Variants in XPNPEP1 observed in about 807,000 individuals in gnomAD.
XPNPEP1 encodes the protein xaa-Pro aminopeptidase 1.
A neutral mutation model predicts 92.4 loss-of-function variants in XPNPEP1; 39 were observed. The observed-to-expected ratio is 0.42, with a 90% CI of 0.33 to 0.55. The LOEUF is 0.55. Ranked by LOEUF, XPNPEP1 falls within the 20% of genes least tolerant of loss-of-function variation. The pLI, the probability that XPNPEP1 is intolerant of heterozygous loss-of-function variation, is 0.08. For synonymous variants in XPNPEP1, 307 were observed against 299.4 expected, an observed-to-expected ratio of 1.03 and a Z score of -0.26; for missense variants, 654 against 856.1, an observed-to-expected ratio of 0.76 and a Z score of 2.95.
At chr10:109,883,284 T>A (rs1283193986) in intron 9 of XPNPEP1, among the ~76,000 whole-genome samples, 1 of 151,934 alleles carries the variant, frequency 6.6e-6, no homozygotes, top group Non-Finnish European at 1.5e-5. Context: ...AAAATGCTGT[T>A]CCCTCTGCTT....
intron 9 of XPNPEP1, chr10:109,883,831 C>T (rs563843112): frequency 1.2e-5 from 5 of 431,880 alleles, no homozygotes; most frequent in Admixed American, 8.5e-5. Context: ...AAATGGGTGG[C>T]CCGAACTATA....
At chr10:109,901,250 G>C (rs1849272836) in intron 3 of XPNPEP1, among the ~76,000 whole-genome samples, 1 of 126,270 alleles carries the variant, frequency 7.9e-6, no homozygotes, top group South Asian at 2.9e-4. Context: ...TCACACACTG[G>C]GGCCTGTCAT....
intron 18 of XPNPEP1, among the ~76,000 whole-genome samples, chr10:109,870,406 A>G (rs989101116): frequency 1.3e-5 from 2 of 152,226 alleles, no homozygotes; most frequent in African/African-American, 2.4e-5. Flanking sequence ...AAAGCAGAAC[A>G]TAAGACAAGA....
At chr10:109,888,458 G>A (rs990780841) in intron 6 of XPNPEP1, 45 bp downstream of exon 6, 8 of 1,551,322 alleles carry the variant, frequency 5.2e-6, no homozygotes, top group Non-Finnish European at 6.1e-6. Context: ...GGGGAATCTA[G>A]AAGCCACTTC....
chr10:109,880,447 T>G (rs1848028230), intron 11 of XPNPEP1, among the ~76,000 whole-genome samples: 1 of 152,060 alleles, frequency 6.6e-6, no homozygotes, highest in Non-Finnish European at 1.5e-5. Flanking sequence ...ATTCAGTAGT[T>G]CAGGTACAAT....
chr10:109,913,304 C>A (rs1849981506), intron 2 of XPNPEP1, among the ~76,000 whole-genome samples: 1 of 152,202 alleles, frequency 6.6e-6, no homozygotes, highest in Non-Finnish European at 1.5e-5. Context: ...TGTGAAAGCA[C>A]CATGCACAGC....
At chr10:109,865,723 T>C (rs954302625) in intron 20 of XPNPEP1, among the ~76,000 whole-genome samples, 3 of 152,194 alleles carry the variant, frequency 2.0e-5, no homozygotes, top group Non-Finnish European at 4.4e-5. Context: ...ACATATCCTA[T>C]ATCCACTGAA....
chr10:109,877,887 A>T lies in XPNPEP1; in HGVS notation c.1242-20T>A. 1 of 1,614,266 alleles carries T rather than the reference A, an allele frequency of 6.2e-7. No individual in the cohort carries two copies. On this transcript the variant is annotated intron_variant, in intron 13 of 20. Coordinates refer to ENST00000502935, the MANE Select transcript of XPNPEP1 (RefSeq NM_020383.4). ...TGTTGCCTGTAACAGAAAGACAGAA[A>T]GCAGAGTGGCTTAAAGGTTTTTACT...
intron 3 of XPNPEP1, among the ~76,000 whole-genome samples, chr10:109,897,402 A>C (rs1448274257): frequency 6.6e-6 from 1 of 152,186 alleles, no homozygotes; most frequent in Non-Finnish European, 1.5e-5. Flanking sequence ...GTTGGCACTT[A>C]TCCATACCCT....
intron 6 of XPNPEP1, 59 bp from the exon 7 acceptor site, chr10:109,888,251 A>G (rs1589582302): frequency 6.3e-7 from 1 of 1,576,286 alleles, no homozygotes; most frequent in Non-Finnish European, 8.6e-7. Flanking sequence ...CAGGGCAGGG[A>G]GCAGGGCCTT....
At chr10:109,892,007 G>A (rs1848730571) in intron 4 of XPNPEP1, among the ~76,000 whole-genome samples, 181 bp from the exon 5 acceptor site, 1 of 152,162 alleles carries the variant, frequency 6.6e-6, no homozygotes, top group Admixed American at 6.6e-5. Flanking sequence ...AAAACAAGCT[G>A]TGTGTCAAGC....
intron 8 of XPNPEP1, 63 bp downstream of exon 8, chr10:109,886,183 A>AT: frequency 6.5e-7 from 1 of 1,538,106 alleles, no homozygotes; most frequent in Non-Finnish European, 8.9e-7. Flanking sequence ...GAACACACAG[A>AT]TACCCAGAGA....
intron 1 of XPNPEP1, among the ~76,000 whole-genome samples, chr10:109,919,533 A>C (rs1850411380): frequency 6.6e-6 from 1 of 152,232 alleles, no homozygotes; most frequent in Non-Finnish European, 1.5e-5. Flanking sequence ...TCCTGATGAG[A>C]ATGTAAAATG....
chr10:109,902,679 G>T (rs1420918148), intron 3 of XPNPEP1, among the ~76,000 whole-genome samples: 1 of 152,224 alleles, frequency 6.6e-6, no homozygotes, highest in African/African-American at 2.4e-5. Flanking sequence ...AGGACAGCAA[G>T]AGTGCAAAAA....
In XPNPEP1 at chr10:109,882,690, T is replaced by G. The variant is rs747988483; in HGVS notation, c.831-48A>C. 3.8e-6 allele frequency: 6 copies of G among 1,595,642 alleles called. No individual in the cohort carries two copies. In the Admixed American group the frequency reaches 1.0e-4, roughly 27 times the overall value. ...TGGCAGAAAAAGGAGGGAACATGAGTGAGAGGTGGCAACACAGACACACAT... is the reference window on the plus strand; with the variant it reads ...TGGCAGAAAAAGGAGGGAACATGAGGGAGAGGTGGCAACACAGACACACAT... On this transcript the variant is annotated intron_variant, in intron 9 of 20. Coordinates refer to ENST00000502935, the MANE Select transcript of XPNPEP1 (RefSeq NM_020383.4).
Position 109,892,179 on chromosome 10 carries a change from G to A in XPNPEP1, c.311-353C>T, listed in dbSNP as rs1245712669. Among the ~76,000 whole-genome samples, 3 of 152,298 alleles carry A rather than the reference G, an allele frequency of 2.0e-5. No homozygotes were observed. The East Asian group carries it at 5.8e-4, about 29-fold the overall frequency. ...CAAGACACAGGGAGGGATGGTTCCT[G>A]CTCAGCAATTACAGCCACTCCTCTG... On this transcript the variant is annotated intron_variant, in intron 4 of 20. Transcript: ENST00000502935.
rs1414256495 is a variant in XPNPEP1 at position 109,868,569 on chromosome 10, C to T, written c.1872+45G>A. The T allele has an allele frequency of 2.7e-6, 4 of 1,464,448 alleles. No homozygotes were observed. The African/African-American group carries it at 4.2e-5, about 16-fold the overall frequency. 90.7% of individuals were successfully genotyped at this position (1,464,448 alleles called of 1,614,324 possible). ...GATTAGAACTATTTAAGGTAGTCTC[C>T]ACCTCCCCTAGTAACATGCCTGCCC... On this transcript the variant is annotated intron_variant, in intron 20 of 20. Transcript: ENST00000502935.
In XPNPEP1 at chr10:109,879,881, A is replaced by T. The variant is rs185286941; in HGVS notation, c.1182+307T>A. 5.2e-4 allele frequency among the ~76,000 whole-genome samples: 79 copies of T among 152,340 alleles called. 1 individual carries two copies. Among genetic ancestry groups the T allele is most frequent in the Non-Finnish European group, 1.1e-3 (72 of 68,032 alleles). ...TTCTCCTAATACAATCAGCTTGCCT[A>T]TAATAATATTATAAGACTCATTTTT... On this transcript the variant is annotated intron_variant, in intron 12 of 20. Transcript: ENST00000502935.
chr10:109,897,569 A>T (rs1463172080), intron 3 of XPNPEP1, among the ~76,000 whole-genome samples: 1 of 152,176 alleles, frequency 6.6e-6, no homozygotes, highest in Admixed American at 6.5e-5. Flanking sequence ...TAATCTACAG[A>T]TGAAAAAAAT....
Sources: allele counts gnomAD v4.1 joint callset (sites outside exome capture counted in the v4.1 genomes callset), GRCh38; gene constraint gnomAD v4.1.1; transcripts MANE v1.5; gene names NCBI Gene and HGNC (gene_info 2026-07-23, HGNC 2026-07-21).